COPS2: variants seen among roughly 807,000 people sequenced by gnomAD.
COPS2 encodes COP9 signalosome complex subunit 2.
A neutral mutation model predicts 66.1 loss-of-function variants in COPS2; 10 were observed. That is an observed-to-expected ratio of 0.15 (90% CI 0.09 to 0.26). The LOEUF (loss-of-function observed/expected upper bound fraction) is 0.26. Ranked by LOEUF, COPS2 falls within the 10% of genes least tolerant of loss-of-function variation. The pLI is 1.00. For synonymous variants in COPS2, 179 were observed against 171.3 expected (o/e 1.04, Z -0.35); for missense variants, 215 against 513.3 (o/e 0.42, Z 5.62).
At chr15:49,138,001 AAAG>A in intron 4 of COPS2, 2 of 152,318 alleles carry the variant, frequency 1.3e-5, no homozygotes. Flanking sequence ...GTGAAGAAAC[AAAG>A]AATAAGCTCC....
chr15:49,146,697 C>T lies in COPS2; in HGVS notation c.55-1619G>A, dbSNP rs566330013. 3.3e-5 allele frequency among the ~76,000 whole-genome samples: 5 copies of T among 152,290 alleles called. No individual in the cohort carries two copies. In the South Asian group the frequency reaches 1.0e-3, roughly 32 times the overall value. On this transcript the variant is annotated intron_variant, in intron 1 of 12. Transcript: ENST00000388901. ...GCTACCACCCTACCCTACCCAACTA[C>T]TTTCATCTCTCCACAAACTTTAGCA...
intron 1 of COPS2, among the ~76,000 whole-genome samples, chr15:49,149,237 C>T (rs761635130): frequency 5.3e-5 from 8 of 152,204 alleles, no homozygotes; most frequent in Non-Finnish European, 1.2e-4. Flanking sequence ...TCTACTCTTT[C>T]TCAAACATGC....
intron 10 of COPS2, among the ~76,000 whole-genome samples, chr15:49,130,261 T>C (rs1313337275): frequency 6.6e-6 from 1 of 152,186 alleles, no homozygotes; most frequent in Non-Finnish European, 1.5e-5. Flanking sequence ...GGTAATTCAA[T>C]ATAACTTGCT....
At chr15:49,142,158 T>C (rs997297619) in intron 3 of COPS2, among the ~76,000 whole-genome samples, 1 of 152,220 alleles carries the variant, frequency 6.6e-6, no homozygotes, top group Non-Finnish European at 1.5e-5. Context: ...CTGGGCAACA[T>C]AGAAATGTTT....
intron 1 of COPS2, among the ~76,000 whole-genome samples, chr15:49,146,051 G>C (rs1190943672): frequency 6.6e-6 from 1 of 152,114 alleles, no homozygotes; most frequent in Non-Finnish European, 1.5e-5. Context: ...TTCTTTATGA[G>C]ATATTTATGA....
rs187521902 is a variant in COPS2, at chr15:49,149,802, G to C, written c.55-4724C>G. Among the ~76,000 whole-genome samples the C allele has an allele frequency of 2.4e-3, 362 of 152,206 alleles. 2 individuals are homozygous for C. The highest frequency in any genetic ancestry group is 4.4e-3 in the Non-Finnish European group (296 of 68,006). The stretch of plus-strand genomic sequence containing the variant: ...AATGCTTTCTGAGTCTTGTCTAACA[G>C]CTGTACCATATGTTGGCACACTAAG... On this transcript the variant is annotated intron_variant, in intron 1 of 12. Transcript: ENST00000388901.
intron 1 of COPS2, among the ~76,000 whole-genome samples, chr15:49,147,853 T>C (rs776506492): frequency 2.0e-5 from 3 of 152,328 alleles, no homozygotes; most frequent in Admixed American, 6.5e-5. Context: ...TATAATGTTT[T>C]TGCATAACTG....
chr15:49,138,043 CTAAG>C (rs929880274), intron 4 of COPS2, among the ~76,000 whole-genome samples: 1 of 152,188 alleles, frequency 6.6e-6, no homozygotes, highest in African/African-American at 2.4e-5. Flanking sequence ...ATAAATATGA[CTAAG>C]TAACTCAACT....
intron 3 of COPS2, among the ~76,000 whole-genome samples, chr15:49,140,400 C>A (rs1480333529): frequency 1.3e-5 from 2 of 152,094 alleles, no homozygotes; most frequent in African/African-American, 2.4e-5. Context: ...ATAAGAGTTA[C>A]CTGTTTCTTT....
rs538428877 is a variant in COPS2, at chr15:49,123,674, A to C, written c.*4276T>G. Reference sequence around the variant, plus strand: ...CCGAATAGTAAGTACTTAAGAAATAATTTTTTCTTTTTTCCTGTCACAGGG... The same window carrying C: ...CCGAATAGTAAGTACTTAAGAAATACTTTTTTCTTTTTTCCTGTCACAGGG... On this transcript the variant is annotated 3_prime_UTR_variant, in exon 13 of 13. Transcript: ENST00000388901. The C allele has an allele frequency of 6.6e-6, 1 of 152,114 alleles. No individual in the cohort carries two copies. The highest frequency in any genetic ancestry group is 1.5e-5 in the Non-Finnish European group (1 of 68,020). 9.4% of individuals were successfully genotyped at this position (152,114 alleles called of 1,614,324 possible).
chr15:49,146,412 T>TA (rs534765850), intron 1 of COPS2, among the ~76,000 whole-genome samples: 57 of 150,584 alleles, frequency 3.8e-4, no homozygotes, highest in East Asian at 1.2e-3. Context: ...CTGATCAAGC[T>TA]AAAAAAAAAG....
rs189508948 is a variant in COPS2, at chr15:49,136,381, T to G, written c.540+769A>C. 2.0e-3 allele frequency among the ~76,000 whole-genome samples: 309 copies of G among 152,294 alleles called. 4 individuals are homozygous for G. The highest frequency in any genetic ancestry group is 2.7e-3 in the Non-Finnish European group (181 of 68,028). On this transcript the variant is annotated intron_variant, in intron 6 of 12. Coordinates refer to ENST00000388901, the MANE Select transcript of COPS2 (RefSeq NM_004236.4). ...TCCTGACCATATGGCTTTTCAAATTTAAAGTAATTAATTACAGAAAATAAA... is the reference window on the plus strand; with the variant it reads ...TCCTGACCATATGGCTTTTCAAATTGAAAGTAATTAATTACAGAAAATAAA...
Position 49,134,461 on chromosome 15 carries a change from A to G in COPS2, c.594T>C (p.Tyr198=). ...CTGTGTACATTTGAATTTCCAAAGCATATATTTCTAATAACTGTGTACCTT... is the reference window on the plus strand; with the variant it reads ...CTGTGTACATTTGAATTTCCAAAGCGTATATTTCTAATAACTGTGTACCTT... ...LKKGTQLLEI[Y]ALEIQMYTAQ... The change falls in exon 7 of 13, where the codon TAT becomes TAC. Residue 198 remains tyrosine, a synonymous_variant. Transcript: ENST00000388901. 6.2e-7 allele frequency: 1 copy of G among 1,612,486 alleles called. No homozygotes were observed. The highest frequency in any genetic ancestry group is 8.5e-7 in the Non-Finnish European group (1 of 1,179,654).
Position 49,133,794 on chromosome 15 carries a change from A to G in COPS2, c.912T>C (p.Asn304=). 6.2e-7 allele frequency: 1 copy of G among 1,602,766 alleles called. No homozygotes were observed. The highest frequency in any genetic ancestry group is 2.2e-5 in the East Asian group (1 of 44,672). The change falls in exon 9 of 13, where the codon AAT becomes AAC. Residue 304 remains asparagine, a synonymous_variant. Transcript: ENST00000388901. ...FDSQEAKPYK[N]DPEILAMTNL... is the part of the protein sequence containing the mutation. The stretch of plus-strand genomic sequence containing the variant: ...TCGTCATTGCTAAAATTTCTGGATC[A>G]TTTTTGTACGGCTTGGCCTAAACAC...
At position 49,128,101 on chromosome 15, in the gene COPS2, A is replaced by G; in HGVS notation, c.1188-7T>C. 1 of 1,611,976 alleles carries G rather than the reference A, an allele frequency of 6.2e-7. No individual in the cohort carries two copies. On this transcript the variant is annotated splice_region_variant and splice_polypyrimidine_tract_variant and intron_variant, in intron 12 of 12. Coordinates refer to ENST00000388901, the MANE Select transcript of COPS2 (RefSeq NM_004236.4). ...AATTCGGCCATGAATAGTGCTAGAA[A>G]GAAATAAATAAGATGTGTCTACAAA...
At position 49,134,331 on chromosome 15, in the gene COPS2, C is replaced by T. The variant is rs1336468724; in HGVS notation, c.715+9G>A. 6.2e-7 allele frequency: 1 copy of T among 1,611,212 alleles called. No individual in the cohort carries two copies. The highest frequency in any genetic ancestry group is 8.5e-7 in the Non-Finnish European group (1 of 1,178,936). ...ATGCCACTGCCCACCCTCTCCAAAC[C>T]AAACTTGCCTCTGATAACTCCCATA... is the stretch of plus-strand genomic sequence containing the variant. On this transcript the variant is annotated intron_variant, in intron 7 of 12. Coordinates refer to ENST00000388901, the MANE Select transcript of COPS2 (RefSeq NM_004236.4).
rs755900606 is a variant in COPS2 at position 49,155,530 on chromosome 15, C to T, written c.49G>A (p.Asp17Asn). The change falls in exon 1 of 13, where the codon GAC (aspartate) becomes AAC (asparagine). Residue 17 changes from aspartate (D) to asparagine (N), a missense_variant. By Grantham distance (23) the Asp-to-Asn change is conservative. Transcript: ENST00000388901. ...TTCCATTCCCTGCGCCTCACCAGGT[C>T]GTAGTCCTCCTCATCATCGCACATG... ...DFMCDDEEDYDLEYSEDSNSE... is the reference protein window; with the variant it reads ...DFMCDDEEDYNLEYSEDSNSE... 1.2e-6 allele frequency: 2 copies of T among 1,614,200 alleles called. No homozygotes were observed. Among genetic ancestry groups the T allele is most frequent in the South Asian group, 2.2e-5 (2 of 91,080 alleles).
rs529438890 is a variant in COPS2 at position 49,123,320 on chromosome 15, C to T, written c.*4630G>A. The T allele has an allele frequency of 9.2e-5, 14 of 152,104 alleles. No homozygotes were observed. The highest frequency in any genetic ancestry group is 3.1e-4 in the African/African-American group (13 of 41,414). The allele number at this position is 152,104 out of a possible 1,614,324, so 9.4% of individuals were successfully genotyped here. ...ACCTTTAGCAATTAATTTTAAAATG[C>T]CCTTACTTCAGAATTAAAAAATTAC... On this transcript the variant is annotated 3_prime_UTR_variant, in exon 13 of 13. Transcript: ENST00000388901.
At position 49,155,588 on chromosome 15, in the gene COPS2, G is replaced by T. The variant is rs576328029; in HGVS notation, c.-10C>A. The T allele has an allele frequency of 6.2e-7, 1 of 1,613,954 alleles. No homozygotes were observed. Among genetic ancestry groups the T allele is most frequent in the Admixed American group, 1.7e-5 (1 of 60,024 alleles). ...CCTCCATGTCAGACATCTTGGCCGG[G>T]AGGGGGAGGAGAAATTGGAGACAAC... On this transcript the variant is annotated 5_prime_UTR_variant, in exon 1 of 13. Transcript: ENST00000388901.
Sources: gnomAD v4.1 joint callset for allele counts (sites outside exome capture counted in the v4.1 genomes callset) on GRCh38, gnomAD v4.1.1 for gene constraint, MANE v1.5 for transcripts, NCBI Gene and HGNC (gene_info 2026-07-23, HGNC 2026-07-21) for gene names.